ZFHX4: variants seen among roughly 807,000 people sequenced by gnomAD.
The protein encoded by ZFHX4 is zinc finger homeobox 4.
ZFHX4 carries 56 observed loss-of-function variants against 267.6 expected under a neutral mutation model. That is an observed-to-expected ratio of 0.21 (90% CI 0.17 to 0.26). The LOEUF (loss-of-function observed/expected upper bound fraction) is 0.26. ZFHX4 is among the 10% of genes least tolerant of loss of function. The pLI is 1.00. For synonymous variants in ZFHX4, 1,778 were observed against 1,665.6 expected (o/e 1.07, Z -1.64); for missense variants, 4,332 against 4,420.0 (o/e 0.98, Z 0.56).
intron 1 of ZFHX4, among the ~76,000 whole-genome samples, chr8:76,692,784 C>T (rs1050941243): frequency 2.6e-5 from 4 of 151,850 alleles, no homozygotes; most frequent in African/African-American, 9.7e-5. Context: ...TATGGGAAAT[C>T]TAAGTGCATT....
Position 76,851,043 on chromosome 8 carries a change from G to C in ZFHX4, c.4122G>C (p.Leu1374=). The part of the protein sequence containing the change: ...SSKDVKIPDT[L]QDQLNEQQKR... The stretch of plus-strand genomic sequence containing the variant: ...AGGATGTGAAAATCCCCGACACACT[G>C]CAAGATCAATTAAATGAACAGCAAA... The change falls in exon 10 of 11, where the codon CTG becomes CTC. Residue 1374 remains leucine (L), a synonymous_variant. Coordinates refer to ENST00000651372, the MANE Select transcript of ZFHX4 (RefSeq NM_024721.5). The C allele has an allele frequency of 6.2e-7, 1 of 1,613,948 alleles. No individual in the cohort carries two copies. The highest frequency in any genetic ancestry group is 8.5e-7 in the Non-Finnish European group (1 of 1,179,868).
intron 1 of ZFHX4, among the ~76,000 whole-genome samples, chr8:76,690,182 T>TA (rs1563461156): frequency 6.6e-6 from 1 of 152,156 alleles, no homozygotes; most frequent in East Asian, 1.9e-4. Flanking sequence ...GTTCTAGCTA[T>TA]AAAAAAGAAA....
At chr8:76,732,161 G>A (rs1297808238) in intron 3 of ZFHX4, among the ~76,000 whole-genome samples, 1 of 151,824 alleles carries the variant, frequency 6.6e-6, no homozygotes, top group African/African-American at 2.4e-5. Flanking sequence ...TTTTTGTAAG[G>A]AGTAAAATAT....
At position 76,863,893 on chromosome 8, in the gene ZFHX4, T is replaced by G. The variant is rs1292019197; in HGVS notation, c.10179T>G (p.Thr3393=). ...CCAAAAGTGCAGACTTTTCAGACACTTACGTTGTTCCATTCGTCAAGTATG... is the reference window on the plus strand; with the variant it reads ...CCAAAAGTGCAGACTTTTCAGACACGTACGTTGTTCCATTCGTCAAGTATG... The part of the protein sequence containing the change: ...LESKSADFSD[T]YVVPFVKYEF... Residue 3393 remains threonine (T), a synonymous_variant, in exon 11 of 11, where the codon ACT becomes ACG. Transcript: ENST00000651372. The G allele has an allele frequency of 6.4e-7, 1 of 1,572,732 alleles. No individual in the cohort carries two copies. The highest frequency in any genetic ancestry group is 2.3e-5 in the East Asian group (1 of 42,888).
intron 3 of ZFHX4, among the ~76,000 whole-genome samples, chr8:76,713,179 T>G (rs1029306286): frequency 6.6e-6 from 1 of 152,132 alleles, no homozygotes; most frequent in Non-Finnish European, 1.5e-5. Context: ...CATTCACATG[T>G]CAAGTAATAT....
chr8:76,709,693 G>A (rs1314082207), intron 3 of ZFHX4, among the ~76,000 whole-genome samples: 2 of 151,944 alleles, frequency 1.3e-5, no homozygotes, highest in African/African-American at 2.4e-5. Flanking sequence ...AATCTTTTGT[G>A]GGAACCTAAA....
intron 4 of ZFHX4, among the ~76,000 whole-genome samples, chr8:76,802,265 A>G (rs1811136024): frequency 6.6e-6 from 1 of 152,168 alleles, no homozygotes; most frequent in South Asian, 2.1e-4. Flanking sequence ...TTACCTACAG[A>G]AAATCAAAGG....
At chr8:76,682,910 C>G (rs920151861) in intron 1 of ZFHX4, 1 of 152,628 alleles carries the variant, frequency 6.6e-6, no homozygotes, top group Non-Finnish European at 1.5e-5. Flanking sequence ...CTTCTCGCTC[C>G]TCTTTTCTAT....
intron 7 of ZFHX4, 112 bp downstream of exon 7, chr8:76,849,240 TG>T: frequency 7.2e-6 from 9 of 1,252,164 alleles, no homozygotes; most frequent in South Asian, 1.6e-5. Context: ...ACATTGCAAT[TG>T]GCAATGTAAC....
intron 3 of ZFHX4, among the ~76,000 whole-genome samples, chr8:76,756,890 T>A (rs957799200): frequency 6.6e-6 from 1 of 152,200 alleles, no homozygotes; most frequent in Non-Finnish European, 1.5e-5. Context: ...GCCAAATTTT[T>A]AAAAAAGGTT....
At chr8:76,738,349 G>A (rs1809220947) in intron 3 of ZFHX4, among the ~76,000 whole-genome samples, 1 of 152,124 alleles carries the variant, frequency 6.6e-6, no homozygotes, top group Admixed American at 6.6e-5. Context: ...GTAAGTGTGA[G>A]GATCAGGTAA....
chr8:76,754,916 A>G (rs1297833626), intron 3 of ZFHX4, among the ~76,000 whole-genome samples: 1 of 152,124 alleles, frequency 6.6e-6, no homozygotes, highest in Non-Finnish European at 1.5e-5. Context: ...TTTAGCTCCC[A>G]CATATGAGTG....
At position 76,809,849 on chromosome 8, in the gene ZFHX4, C is replaced by T. The variant is rs573052687; in HGVS notation, c.3326-23489C>T. Among the ~76,000 whole-genome samples, 79 of 152,054 alleles carry T rather than the reference C, an allele frequency of 5.2e-4. 1 individual carries two copies. The highest frequency in any genetic ancestry group is 1.8e-3 in the African/African-American group (76 of 41,498). ...AGTGACATTTGATAATATAAAATAA[C>T]CCAGAGTTAACTTACGGTCTTACGT... On this transcript the variant is annotated intron_variant, in intron 4 of 10. Transcript: ENST00000651372.
chr8:76,695,722 T>C (rs927891904), intron 1 of ZFHX4, among the ~76,000 whole-genome samples: 1 of 152,364 alleles, frequency 6.6e-6, no homozygotes, highest in Middle Eastern at 3.4e-3. Context: ...TGTTTAATTC[T>C]ATTGATTTAC....
In ZFHX4 at chr8:76,705,968, C is replaced by T. The variant is rs1030518453; in HGVS notation, c.1880C>T (p.Ser627Phe). 5 of 1,613,014 alleles carry T rather than the reference C, an allele frequency of 3.1e-6. No individual in the cohort carries two copies. Among genetic ancestry groups the T allele is most frequent in the Non-Finnish European group, 4.2e-6 (5 of 1,179,622 alleles). Residue 627 changes from serine (S) to phenylalanine (F), a missense_variant, in exon 2 of 11, where the codon TCT becomes TTT. Coordinates refer to ENST00000651372, the MANE Select transcript of ZFHX4 (RefSeq NM_024721.5). ...GACACTGTGTTGGGGTCTTCGAGGT[C>T]TCTTGGTGGTCATATGACTATGATG... The part of the protein sequence containing the change: ...KCDTVLGSSR[S>F]LGGHMTMMHS...
At chr8:76,793,799 T>C (rs1354662570) in intron 4 of ZFHX4, among the ~76,000 whole-genome samples, 1 of 152,190 alleles carries the variant, frequency 6.6e-6, no homozygotes, top group Non-Finnish European at 1.5e-5. Context: ...CTAATACTGG[T>C]GGTAAGATTA....
At chr8:76,684,115 G>C (rs771775388) in intron 1 of ZFHX4, among the ~76,000 whole-genome samples, 5 of 151,826 alleles carry the variant, frequency 3.3e-5, no homozygotes, top group Non-Finnish European at 7.4e-5. Context: ...TTGCTGAAAA[G>C]GGTGGTTTAA....
Position 76,855,199 on chromosome 8 carries a change from G to A in ZFHX4, c.8278G>A (p.Ala2760Thr). Residue 2760 changes from alanine to threonine, a missense_variant, in exon 10 of 11, where the codon GCA becomes ACA. Physicochemically the swap from Ala to Thr is moderately conservative, Grantham distance 58 (BLOSUM62 0). Transcript: ENST00000651372. ...STVSTPVSKTAELSPKNLLSP... is the reference protein window; with the variant it reads ...STVSTPVSKTTELSPKNLLSP... ...AGTGTCAACACCTGTTAGTAAAACA[G>A]CAGAGCTGTCACCGAAGAATCTTTT... The A allele has an allele frequency of 3.1e-6, 5 of 1,613,068 alleles. No homozygotes were observed. Among genetic ancestry groups the A allele is most frequent in the Non-Finnish European group, 4.2e-6 (5 of 1,179,572 alleles).
intron 3 of ZFHX4, among the ~76,000 whole-genome samples, chr8:76,754,480 C>G (rs146803815): frequency 7.0e-6 from 1 of 143,368 alleles, no homozygotes; most frequent in South Asian, 2.1e-4. Context: ...CAGAGCAAGA[C>G]TCTGTCTCAA....
Sources: gnomAD v4.1 joint callset for allele counts (sites outside exome capture counted in the v4.1 genomes callset) on GRCh38, gnomAD v4.1.1 for gene constraint, MANE v1.5 for transcripts, NCBI Gene and HGNC (gene_info 2026-07-23, HGNC 2026-07-21) for gene names.